PLD3: variants seen among roughly 807,000 people sequenced by gnomAD.
PLD3 encodes the protein 5'-3' exonuclease PLD3.
In PLD3, 31 loss-of-function variants were observed where a neutral mutation model predicts 58.4. The observed-to-expected ratio is 0.53, with a 90% CI of 0.40 to 0.72. The LOEUF is 0.72. PLD3 is among the 30% of genes least tolerant of loss of function. The pLI, the probability that PLD3 is intolerant of heterozygous loss-of-function variation, is 0.00. For missense variants in PLD3, 595 were observed against 659.8 expected (o/e 0.90, Z 1.08); for synonymous variants, 264 against 273.4 (o/e 0.97, Z 0.34).
Position 40,370,056 on chromosome 19 carries a change from C to A in PLD3, c.550+28C>A. 3 of 1,573,476 alleles carry A rather than the reference C, an allele frequency of 1.9e-6. No individual in the cohort carries two copies. The South Asian group carries it at 3.5e-5, about 18-fold the overall frequency. On this transcript the variant is annotated intron_variant, in intron 7 of 12. Coordinates refer to ENST00000409735, the MANE Select transcript of PLD3 (RefSeq NM_012268.4). ...GAGCTGGGGCCCAACTGGGGCTGGT[C>A]TGGGCCTGGGGGTACCCAGCCTGGC...
At chr19:40,371,555 G>C in intron 8 of PLD3, 118 bp from the exon 9 acceptor site, 1 of 635,658 alleles carries the variant, frequency 1.6e-6, no homozygotes, top group South Asian at 1.9e-5. Flanking sequence ...AGCTATTGGA[G>C]CTGGGGTGGA....
At chr19:40,351,549 A>C (rs2078516287) in intron 1 of PLD3, among the ~76,000 whole-genome samples, 1 of 152,186 alleles carries the variant, frequency 6.6e-6, no homozygotes, top group Non-Finnish European at 1.5e-5. Context: ...TCTCAAAAAA[A>C]GAGAGAGAGA....
intron 1 of PLD3, among the ~76,000 whole-genome samples, chr19:40,354,138 A>C (rs1272732073): frequency 1.5e-5 from 2 of 134,426 alleles, no homozygotes; most frequent in African/African-American, 5.9e-5. Context: ...CAGTGGCGCG[A>C]TCTCGGCTCA....
chr19:40,351,875 A>G (rs573633559), intron 1 of PLD3, among the ~76,000 whole-genome samples: 25 of 152,216 alleles, frequency 1.6e-4, no homozygotes, highest in Non-Finnish European at 3.2e-4. Flanking sequence ...ACTTCTACCC[A>G]GGATCGACTA....
At position 40,373,538 on chromosome 19, in the gene PLD3, T is replaced by C. The variant is rs147911313; in HGVS notation, c.880-943T>C. Among the ~76,000 whole-genome samples the C allele has an allele frequency of 7.3e-3, 1,053 of 145,128 alleles. 7 individuals are homozygous for C. Among genetic ancestry groups the C allele is most frequent in the African/African-American group, 0.026 (1,026 of 38,878 alleles). ...GTTGCAGGGAGCCGAGATTGCACCA[T>C]TGCCCTCCAGGCTGGGTGACAGAGT... On this transcript the variant is annotated intron_variant, in intron 9 of 12. Coordinates refer to ENST00000409735, the MANE Select transcript of PLD3 (RefSeq NM_012268.4).
At chr19:40,365,403 TCCTCTGA>T (rs2078893066) in intron 1 of PLD3, 1 of 152,178 alleles carries the variant, frequency 6.6e-6, no homozygotes, top group South Asian at 2.1e-4. Context: ...ATTCACCATC[TCCTCTGA>T]CCTTTTCTTC....
intron 12 of PLD3, 45 bp downstream of exon 12, chr19:40,377,930 A>G: frequency 6.2e-7 from 1 of 1,612,670 alleles, no homozygotes; most frequent in Non-Finnish European, 8.5e-7. Context: ...GAGGGGGTTC[A>G]GACACCAGGG....
intron 1 of PLD3, among the ~76,000 whole-genome samples, chr19:40,350,124 G>T (rs1351144814): frequency 6.6e-6 from 1 of 151,314 alleles, no homozygotes; most frequent in African/African-American, 2.4e-5. Flanking sequence ...GCCAGGCATG[G>T]TGGCACATGC....
chr19:40,374,798 GAGAA>G, intron 10 of PLD3, 178 bp downstream of exon 10: 2 of 627,986 alleles, frequency 3.2e-6, no homozygotes, highest in East Asian at 2.8e-5. Context: ...CTTGAGACAG[GAGAA>G]AGAGAGATTA....
In PLD3 at chr19:40,348,761, G is replaced by C. The variant is rs2078394848; in HGVS notation, c.-286G>C. 1 of 432,136 alleles carries C rather than the reference G, an allele frequency of 2.3e-6. No homozygotes were observed. The highest frequency in any genetic ancestry group is 4.1e-6 in the Non-Finnish European group (1 of 243,664). The allele number at this position is 432,136 out of a possible 1,614,324, so 26.8% of individuals were successfully genotyped here. On this transcript the variant is annotated 5_prime_UTR_variant, in exon 1 of 13. Coordinates refer to ENST00000409735, the MANE Select transcript of PLD3 (RefSeq NM_012268.4). ...GCTGGGTCTCGGAGTGGGAGACGTG[G>C]AGTGCAGGTACTGTGCGATCTGGGG...
intron 1 of PLD3, among the ~76,000 whole-genome samples, chr19:40,362,216 C>G (rs749625767): frequency 3.3e-5 from 5 of 152,218 alleles, no homozygotes; most frequent in Admixed American, 1.3e-4. Context: ...ACAAGGCAAC[C>G]AGTAAATGTG....
At chr19:40,374,416 A>T (rs959757691) in intron 9 of PLD3, 65 bp from the exon 10 acceptor site, 2 of 1,577,544 alleles carry the variant, frequency 1.3e-6, no homozygotes, top group Non-Finnish European at 1.7e-6. Context: ...AGCTGTCCGT[A>T]TGTGGGGTCC....
rs766435886 is a variant in PLD3, at chr19:40,366,851, G to A, written c.181G>A (p.Glu61Lys). The A allele has an allele frequency of 5.0e-6, 8 of 1,613,938 alleles. No homozygotes were observed. The highest frequency in any genetic ancestry group is 4.2e-6 in the Non-Finnish European group (5 of 1,180,002). The change falls in exon 5 of 13, where the codon GAA becomes AAA. Residue 61 changes from glutamate (E) to lysine (K), a missense_variant. Glu to Lys is a moderately conservative substitution (Grantham distance 56). Transcript: ENST00000409735. ...GALMTQLFLW[E>K]YGDLHLFGPN... is the part of the protein sequence containing the mutation. ...CCTGATGACTCAGCTGTTTCTATGG[G>A]AATACGGCGACTTGCATCTCTTTGG...
intron 1 of PLD3, chr19:40,360,634 C>T (rs952980325): frequency 2.0e-5 from 3 of 151,442 alleles, no homozygotes; most frequent in East Asian, 3.9e-4. Context: ...GTTTTGGAGC[C>T]GAAGTCCAAA....
chr19:40,374,742 G>A, intron 10 of PLD3, 122 bp downstream of exon 10: 1 of 1,061,752 alleles, frequency 9.4e-7, no homozygotes. Context: ...AGAAGCTGCA[G>A]GGAGAGACAG....
chr19:40,375,196 T>C (rs1471752756), intron 10 of PLD3, among the ~76,000 whole-genome samples: 1 of 150,540 alleles, frequency 6.6e-6, no homozygotes, highest in African/African-American at 2.4e-5. Flanking sequence ...GCTCAGAATA[T>C]TGGGGTTGAG....
At chr19:40,360,026 A>C (rs1234996633) in intron 1 of PLD3, 1 of 152,096 alleles carries the variant, frequency 6.6e-6, no homozygotes, top group Non-Finnish European at 1.5e-5. Flanking sequence ...CAGAGGAGTC[A>C]GTCAGATTTT....
At position 40,348,703 on chromosome 19, in the gene PLD3, A is replaced by G. The variant is rs1307916276; in HGVS notation, c.-344A>G. On this transcript the variant is annotated 5_prime_UTR_variant, in exon 1 of 13. Transcript: ENST00000409735. ...CTGCGCGCGGCTAGGAGGGGCCGTC[A>G]GGCGGGGATACAGCCTGGAAGGTGC... 2 of 624,328 alleles carry G rather than the reference A, an allele frequency of 3.2e-6. No homozygotes were observed. The highest frequency in any genetic ancestry group is 5.0e-6 in the Non-Finnish European group (2 of 402,846). 38.7% of individuals were successfully genotyped at this position (624,328 alleles called of 1,614,324 possible).
At position 40,378,178 on chromosome 19, in the gene PLD3, C is replaced by T. The variant is rs927606080; in HGVS notation, c.*5C>T. Reference sequence around the variant, plus strand: ...AACGCCTGCCGCCTGCTCTGAGGCCCGATCCAGTGGGCAGGCCAAGGCCTG... The same window carrying T: ...AACGCCTGCCGCCTGCTCTGAGGCCTGATCCAGTGGGCAGGCCAAGGCCTG... On this transcript the variant is annotated 3_prime_UTR_variant, in exon 13 of 13. Coordinates refer to ENST00000409735, the MANE Select transcript of PLD3 (RefSeq NM_012268.4). 1.0e-5 allele frequency: 16 copies of T among 1,604,424 alleles called. No homozygotes were observed. The highest frequency in any genetic ancestry group is 3.3e-4 in the Middle Eastern group (2 of 6,010).
Sources: gnomAD v4.1 joint callset for allele counts (sites outside exome capture counted in the v4.1 genomes callset) on GRCh38, gnomAD v4.1.1 for gene constraint, MANE v1.5 for transcripts, NCBI Gene and HGNC (gene_info 2026-07-23, HGNC 2026-07-21) for gene names.